ERICH3: variants seen among roughly 807,000 people sequenced by gnomAD.
ERICH3 encodes the protein glutamate-rich protein 3.
ERICH3 carries 126 observed loss-of-function variants against 131.1 expected under a neutral mutation model. The observed-to-expected ratio is 0.96, with a 90% CI of 0.83 to 1.11. The LOEUF (loss-of-function observed/expected upper bound fraction) is 1.11. Ranked by LOEUF, ERICH3 falls within the 50% of genes most tolerant of loss-of-function variation. ERICH3 has a pLI of 0.00. For missense variants in ERICH3, 2,050 were observed against 1,810.7 expected, an observed-to-expected ratio of 1.13 and a Z score of -2.40; for synonymous variants, 695 against 644.6, an observed-to-expected ratio of 1.08 and a Z score of -1.18.
rs752442328 is a variant in ERICH3 at position 74,643,104 on chromosome 1, C to T, written c.244-6G>A. The stretch of plus-strand genomic sequence containing the variant: ...ATTTCAAGCTGATGGTAACGCTAAG[C>T]ATACAGGAAAGAATAAAGGAGAGAA... On this transcript the variant is annotated splice_region_variant and splice_polypyrimidine_tract_variant and intron_variant, in intron 3 of 14. Transcript: ENST00000326665. The T allele has an allele frequency of 5.6e-5, 90 of 1,605,450 alleles. No individual in the cohort carries two copies. In the East Asian group the frequency reaches 2.0e-3, roughly 36 times the overall value.
intron 1 of ERICH3, among the ~76,000 whole-genome samples, chr1:74,665,056 C>A (rs1040656555): frequency 6.6e-6 from 1 of 151,966 alleles, no homozygotes; most frequent in Non-Finnish European, 1.5e-5. Context: ...GAGATGGGTT[C>A]TTTAGGAGTT....
intron 1 of ERICH3, among the ~76,000 whole-genome samples, chr1:74,666,778 T>TAA (rs5775255): frequency 1.1e-4 from 16 of 151,590 alleles, no homozygotes; most frequent in South Asian, 2.1e-4. Context: ...ACTACCTGGT[T>TAA]AAAAAAAAAT....
intron 2 of ERICH3, among the ~76,000 whole-genome samples, chr1:74,647,554 G>T (rs1186629111): frequency 1.3e-5 from 2 of 152,076 alleles, no homozygotes; most frequent in Non-Finnish European, 2.9e-5. Context: ...CATTTTTGTT[G>T]TGGATTTACT....
At chr1:74,671,635 A>G (rs2100664289) in intron 1 of ERICH3, among the ~76,000 whole-genome samples, 1 of 152,330 alleles carries the variant, frequency 6.6e-6, no homozygotes, top group Non-Finnish European at 1.5e-5. Flanking sequence ...ATCTGTAAAA[A>G]TGAGGGTAAC....
chr1:74,572,523 C>T lies in ERICH3; in HGVS notation c.3187G>A (p.Ala1063Thr). 2 of 1,614,112 alleles carry T rather than the reference C, an allele frequency of 1.2e-6. No homozygotes were observed. Among genetic ancestry groups the T allele is most frequent in the African/African-American group, 1.3e-5 (1 of 75,024 alleles). ...CTCAGAGATGTTTTTGGCCTCTCAG[C>T]TTTCCTTCGCTCTCTTGCTAAATCT... ...ELDLARERRK[A>T]ERPKTSLRKT... The change falls in exon 14 of 15, where the codon GCT becomes ACT. Residue 1063 changes from alanine to threonine, a missense_variant. Ala to Thr is a moderately conservative substitution (Grantham distance 58). Coordinates refer to ENST00000326665, the MANE Select transcript of ERICH3 (RefSeq NM_001002912.5).
intron 13 of ERICH3, among the ~76,000 whole-genome samples, chr1:74,574,887 A>G (rs1003876738): frequency 2.0e-5 from 3 of 152,166 alleles, no homozygotes; most frequent in Non-Finnish European, 4.4e-5. Flanking sequence ...GAAAAGGTTC[A>G]TCTTAATAAT....
At chr1:74,634,682 G>A (rs1304610939) in intron 6 of ERICH3, 1 of 714,564 alleles carries the variant, frequency 1.4e-6, no homozygotes, top group Non-Finnish European at 2.6e-6. Flanking sequence ...AGCATGGAAA[G>A]CACCCATCCA....
In ERICH3 at chr1:74,589,832, T is replaced by G. The variant is rs372458490; in HGVS notation, c.1975A>C (p.Met659Leu). The change falls in exon 12 of 15, where the codon ATG becomes CTG. Residue 659 changes from methionine to leucine, a missense_variant. Physicochemically the swap from Met to Leu is conservative, Grantham distance 15 (BLOSUM62 2). Transcript: ENST00000326665. ...TTCTCAAAGCTTTCGTCTATTGGCA[T>G]CGGCTTGGTCTCCACATCTGCTTTT... Reference protein sequence around the residue: ...ITKADVETKPMPIDESFENVL... With the variant: ...ITKADVETKPLPIDESFENVL... The G allele has an allele frequency of 4.5e-5, 73 of 1,614,128 alleles. No homozygotes were observed. The highest frequency in any genetic ancestry group is 5.8e-5 in the Non-Finnish European group (68 of 1,179,980).
chr1:74,612,647 AC>A lies in ERICH3; in HGVS notation c.1162del (p.Val388LeufsTer37). Reference protein sequence around the residue: ...GKRGYFGFVCVERSSPCYKCI... With the variant: ...GKRGYFGFVCXERSSPCYKCI... The stretch of plus-strand genomic sequence containing the variant: ...CTTGTAGCAAGGAGATGATCTCTCA[AC>A]ACACACAAACCCAAAGTAGCCTCGT... On this transcript the variant is annotated frameshift_variant, in exon 9 of 15. Coordinates refer to ENST00000326665, the MANE Select transcript of ERICH3 (RefSeq NM_001002912.5). LOFTEE classifies it high-confidence loss of function. 4 of 1,584,020 alleles carry A rather than the reference AC, an allele frequency of 2.5e-6. No homozygotes were observed. In the African/African-American group the frequency reaches 4.0e-5, roughly 16 times the overall value.
At chr1:74,657,408 C>T (rs949414245) in intron 1 of ERICH3, among the ~76,000 whole-genome samples, 1 of 152,158 alleles carries the variant, frequency 6.6e-6, no homozygotes, top group African/African-American at 2.4e-5. Flanking sequence ...TAAGAAAACT[C>T]TTTGCCAACT....
chr1:74,630,221 A>C (rs973183692), intron 7 of ERICH3, among the ~76,000 whole-genome samples: 1 of 152,196 alleles, frequency 6.6e-6, no homozygotes, highest in Non-Finnish European at 1.5e-5. Context: ...TTTTGAGAGC[A>C]TGTTCATTGG....
At chr1:74,591,316 C>T (rs962298080) in intron 11 of ERICH3, among the ~76,000 whole-genome samples, 4 of 152,134 alleles carry the variant, frequency 2.6e-5, no homozygotes, top group African/African-American at 4.8e-5. Flanking sequence ...TTTCAAGCCC[C>T]ATCTCAATCT....
At chr1:74,657,997 C>T (rs577355349) in intron 1 of ERICH3, among the ~76,000 whole-genome samples, 20 of 152,180 alleles carry the variant, frequency 1.3e-4, no homozygotes, top group South Asian at 8.3e-4. Flanking sequence ...GCATTTATTG[C>T]GTACTTTCTT....
rs929869229 is a variant in ERICH3, at chr1:74,601,638, G to C, written c.1490-1707C>G. On this transcript the variant is annotated intron_variant, in intron 10 of 14. Transcript: ENST00000326665. The stretch of plus-strand genomic sequence containing the variant: ...TTCCCAAAAGAGGAAGGTAAGGTTA[G>C]CTACAGAATACACATACATATATCA... 3.5e-4 allele frequency among the ~76,000 whole-genome samples: 53 copies of C among 151,834 alleles called. 1 individual carries two copies. Among genetic ancestry groups the C allele is most frequent in the Non-Finnish European group, 1.3e-4 (9 of 67,878 alleles).
chr1:74,594,220 A>G (rs1570838139), intron 11 of ERICH3, among the ~76,000 whole-genome samples: 1 of 152,120 alleles, frequency 6.6e-6, no homozygotes, highest in Middle Eastern at 3.4e-3. Flanking sequence ...CATGTTATTC[A>G]GTTATTTACC....
At chr1:74,592,178 C>CTT (rs939898556) in intron 11 of ERICH3, 4 of 152,186 alleles carry the variant, frequency 2.6e-5, no homozygotes, top group African/African-American at 9.6e-5. Context: ...ATTCCATTTG[C>CTT]TTTTATCTCC....
chr1:74,614,035 A>G (rs1213257921), intron 8 of ERICH3, among the ~76,000 whole-genome samples: 1 of 152,178 alleles, frequency 6.6e-6, no homozygotes, highest in Non-Finnish European at 1.5e-5. Flanking sequence ...GTGTATCAGC[A>G]TCACCTAGAG....
chr1:74,601,953 G>C (rs1648155008), intron 10 of ERICH3, among the ~76,000 whole-genome samples: 1 of 151,800 alleles, frequency 6.6e-6, no homozygotes, highest in Admixed American at 6.6e-5. Context: ...TGAATATCAG[G>C]GGCATAATAA....
chr1:74,646,367 G>C (rs1405069908), intron 3 of ERICH3, among the ~76,000 whole-genome samples: 1 of 152,030 alleles, frequency 6.6e-6, no homozygotes, highest in Non-Finnish European at 1.5e-5. Context: ...TGTACATTTG[G>C]AAAATTAAAT....
Sources: gnomAD v4.1 joint callset for allele counts (sites outside exome capture counted in the v4.1 genomes callset) on GRCh38, gnomAD v4.1.1 for gene constraint, MANE v1.5 for transcripts, NCBI Gene and HGNC (gene_info 2026-07-23, HGNC 2026-07-21) for gene names.